The following RELCH variants were observed in gnomAD, a reference collection of about 807,000 sequenced individuals.
RELCH encodes RAB11-binding protein RELCH.
RELCH carries 41 observed loss-of-function variants against 150.3 expected under a neutral mutation model. The ratio of observed to expected loss-of-function variants is 0.27; its 90% confidence interval spans 0.21 to 0.35. RELCH has a LOEUF of 0.35. Ranked by LOEUF, RELCH falls within the 10% of genes least tolerant of loss-of-function variation. The pLI is 1.00. For missense variants in RELCH, 1,092 were observed against 1,467.8 expected, an observed-to-expected ratio of 0.74 and a Z score of 4.18; for synonymous variants, 478 against 531.8, an observed-to-expected ratio of 0.90 and a Z score of 1.39.
chr18:62,212,759 G>A (rs1296713726), intron 2 of RELCH, among the ~76,000 whole-genome samples: 8 of 152,106 alleles, frequency 5.3e-5, no homozygotes, highest in African/African-American at 1.9e-4. Flanking sequence ...AACAGTCTAC[G>A]ATTGACTATT....
At chr18:62,256,597 C>T (rs1393937581) in intron 13 of RELCH, among the ~76,000 whole-genome samples, 4 of 151,942 alleles carry the variant, frequency 2.6e-5, no homozygotes, top group Non-Finnish European at 4.4e-5. Flanking sequence ...GTTTCCTCAG[C>T]GGATCTATGT....
intron 12 of RELCH, among the ~76,000 whole-genome samples, chr18:62,253,454 A>C: frequency 6.6e-6 from 1 of 152,282 alleles, no homozygotes; most frequent in Non-Finnish European, 1.5e-5. Flanking sequence ...TTAAAATTCC[A>C]GTCCTCTGTA....
At position 62,280,221 on chromosome 18, in the gene RELCH, C is replaced by G. The variant is rs1003069133; in HGVS notation, c.3050+365C>G. On this transcript the variant is annotated intron_variant, in intron 23 of 28. Coordinates refer to ENST00000644646, the MANE Select transcript of RELCH (RefSeq NM_001346231.2). ...TAAGTGTAGTAGCATGAACCAATGG[C>G]CTAACATTTTAATGTCTCGTGTGGA... is the stretch of plus-strand genomic sequence containing the variant. The G allele has an allele frequency of 2.1e-5, 14 of 671,540 alleles. No homozygotes were observed. In the African/African-American group the frequency reaches 2.5e-4, roughly 12 times the overall value. 41.6% of individuals were successfully genotyped at this position (671,540 alleles called of 1,614,324 possible).
rs1337533515 is a variant in RELCH, at chr18:62,309,953, T to A, written c.*4419T>A. ...GCTTTTTATAATTTTAACAAACTGC[T>A]TCCCTCCTGGAAAAGTAACCCTTTC... On this transcript the variant is annotated 3_prime_UTR_variant, in exon 29 of 29. Coordinates refer to ENST00000644646, the MANE Select transcript of RELCH (RefSeq NM_001346231.2). The A allele has an allele frequency of 6.6e-6, 1 of 152,224 alleles. No individual in the cohort carries two copies. The highest frequency in any genetic ancestry group is 6.5e-5 in the Admixed American group (1 of 15,278). 9.4% of individuals were successfully genotyped at this position (152,224 alleles called of 1,614,324 possible).
intron 1 of RELCH, among the ~76,000 whole-genome samples, chr18:62,191,423 G>A (rs559479028): frequency 1.7e-4 from 26 of 152,060 alleles, no homozygotes; most frequent in South Asian, 4.2e-4. Context: ...CTTTTGCACC[G>A]TTTTTTTCAC....
At chr18:62,201,245 T>C (rs973716284) in intron 1 of RELCH, among the ~76,000 whole-genome samples, 3 of 152,176 alleles carry the variant, frequency 2.0e-5, no homozygotes, top group African/African-American at 7.2e-5. Flanking sequence ...AGTGCTGGGA[T>C]TACAGGCGTG....
intron 27 of RELCH, among the ~76,000 whole-genome samples, chr18:62,294,723 T>C (rs1175292842): frequency 7.9e-5 from 12 of 152,248 alleles, no homozygotes; most frequent in Non-Finnish European, 1.8e-4. Context: ...TTATTTCCTA[T>C]ACTTCTGAAA....
chr18:62,200,278 T>C (rs1337385843), intron 1 of RELCH, among the ~76,000 whole-genome samples: 3 of 152,210 alleles, frequency 2.0e-5, no homozygotes, highest in Non-Finnish European at 4.4e-5. Context: ...GTATATGACT[T>C]AATTCCAATG....
In RELCH at chr18:62,305,625, A is replaced by G; in HGVS notation, c.*91A>G. ...AAGTACTTGCCTTTTTTGTTTCCTC[A>G]GTTTTATGTTCTTGCATTATAATTT... On this transcript the variant is annotated 3_prime_UTR_variant, in exon 29 of 29. Transcript: ENST00000644646. The surrounding 1 kb of genome is among the most constrained non-coding windows in gnomAD (Gnocchi z 4.0). 1 of 1,337,180 alleles carries G rather than the reference A, an allele frequency of 7.5e-7. No homozygotes were observed. The highest frequency in any genetic ancestry group is 1.0e-6 in the Non-Finnish European group (1 of 982,838). The allele number at this position is 1,337,180 out of a possible 1,614,324, so 82.8% of individuals were successfully genotyped here.
chr18:62,236,488 A>G (rs1779816414), intron 10 of RELCH, among the ~76,000 whole-genome samples: 2 of 151,140 alleles, frequency 1.3e-5, no homozygotes. Context: ...GGGTATAGGA[A>G]CTCTTCAGTC....
chr18:62,282,383 A>G lies in RELCH; in HGVS notation c.3192A>G (p.Thr1064=). ...ATCAAGACCAACATTCTTTGCATAC[A>G]GAGATCATAAAAACATTTGGTAGAG... is the stretch of plus-strand genomic sequence containing the variant. ...PQYQDQHSLH[T]EIIKTFGRVG... Residue 1064 remains threonine, a synonymous_variant, in exon 25 of 29, where the codon ACA becomes ACG. Transcript: ENST00000644646. The G allele has an allele frequency of 1.2e-6, 2 of 1,612,914 alleles. No individual in the cohort carries two copies. Among genetic ancestry groups the G allele is most frequent in the South Asian group, 2.2e-5 (2 of 90,914 alleles).
At chr18:62,208,143 T>C (rs937328442) in intron 1 of RELCH, among the ~76,000 whole-genome samples, 1 of 152,194 alleles carries the variant, frequency 6.6e-6, no homozygotes, top group African/African-American at 2.4e-5. Flanking sequence ...ATGAATATCA[T>C]TTCCCTTTTG....
At chr18:62,235,922 T>G (rs2041855917) in intron 10 of RELCH, among the ~76,000 whole-genome samples, 1 of 152,058 alleles carries the variant, frequency 6.6e-6, no homozygotes, top group African/African-American at 2.4e-5. Context: ...TGCTTCTTCT[T>G]TACAATATAG....
At chr18:62,208,479 G>C (rs1261377113) in intron 1 of RELCH, among the ~76,000 whole-genome samples, 1 of 151,978 alleles carries the variant, frequency 6.6e-6, no homozygotes, top group African/African-American at 2.4e-5. Flanking sequence ...TCAGAAGAAC[G>C]CAAATTTATT....
At chr18:62,283,140 TTG>T (rs1379874636) in intron 25 of RELCH, among the ~76,000 whole-genome samples, 1 of 152,254 alleles carries the variant, frequency 6.6e-6, no homozygotes, top group African/African-American at 2.4e-5. Flanking sequence ...AAGGAAATTT[TTG>T]TGTGTTTCTA....
chr18:62,229,867 G>A (rs1444263264), intron 8 of RELCH, among the ~76,000 whole-genome samples: 2 of 152,006 alleles, frequency 1.3e-5, no homozygotes, highest in African/African-American at 2.4e-5. Context: ...TGAAAGGAAG[G>A]ATAGAAGACA....
At chr18:62,258,205 CT>C (rs371317475) in intron 14 of RELCH, 117 bp downstream of exon 14, 5 of 972,876 alleles carry the variant, frequency 5.1e-6, no homozygotes, top group African/African-American at 5.1e-5. Context: ...GGTATGTCAA[CT>C]TTAGTCATCT....
intron 1 of RELCH, among the ~76,000 whole-genome samples, chr18:62,201,539 G>A (rs2148242344): frequency 1.3e-5 from 2 of 151,992 alleles, no homozygotes; most frequent in South Asian, 4.2e-4. Context: ...CCATATTAAA[G>A]TATATATTAA....
intron 23 of RELCH, 81 bp from the exon 24 acceptor site, chr18:62,280,565 T>C: frequency 7.7e-7 from 1 of 1,295,680 alleles, no homozygotes; most frequent in South Asian, 1.2e-5. Flanking sequence ...ATATTTACCT[T>C]GTACTTACTT....
Sources: gnomAD v4.1 joint callset for allele counts (sites outside exome capture counted in the v4.1 genomes callset) on GRCh38, gnomAD v4.1.1 for gene constraint, Gnocchi (gnomAD v3.1) non-coding constraint, MANE v1.5 for transcripts, NCBI Gene and HGNC (gene_info 2026-07-23, HGNC 2026-07-21) for gene names.